EPB41L1: variants seen among roughly 807,000 people sequenced by gnomAD.
The protein encoded by EPB41L1 is band 4.1-like protein 1.
In EPB41L1, 29 loss-of-function variants were observed where a neutral mutation model predicts 97.8. That is an observed-to-expected ratio of 0.30 (90% CI 0.22 to 0.40). The LOEUF (loss-of-function observed/expected upper bound fraction) is 0.40, where lower values mean the gene tolerates loss of function less well. EPB41L1 is among the 10% of genes least tolerant of loss of function. The pLI is 1.00. For synonymous variants in EPB41L1, 383 were observed against 459.2 expected (o/e 0.83, Z 2.12); for missense variants, 812 against 1,162.3 (o/e 0.70, Z 4.38).
At chr20:36,182,458 C>T (rs1010411569) in intron 6 of EPB41L1, 111 bp downstream of exon 6, 11 of 1,196,936 alleles carry the variant, frequency 9.2e-6, no homozygotes, top group Admixed American at 5.4e-5. Flanking sequence ...AATGCAGTCG[C>T]CTACCGAGGT....
At position 36,155,095 on chromosome 20, in the gene EPB41L1, G is replaced by A. The variant is rs1213207309; in HGVS notation, c.-15+199G>A. 3 of 532,250 alleles carry A rather than the reference G, an allele frequency of 5.6e-6. No homozygotes were observed. In the Admixed American group the frequency reaches 7.0e-5, roughly 12 times the overall value. The allele number at this position is 532,250 out of a possible 1,614,324, so 33.0% of individuals were successfully genotyped here. A position where few individuals can be genotyped will look rare whatever the true frequency, so the allele number is the denominator to read the frequency against. ...CAGCCTCCTCCAAGGCCTGGAGAGA[G>A]GATCCGGAGGCTGGGGGTTGGCGGG... On this transcript the variant is annotated intron_variant, in intron 1 of 21. Coordinates refer to ENST00000338074, the MANE Select transcript of EPB41L1 (RefSeq NM_012156.2).
chr20:36,219,700 C>T, intron 18 of EPB41L1, 61 bp from the exon 19 acceptor site: 1 of 1,459,922 alleles, frequency 6.8e-7, no homozygotes. Context: ...CCCGCCCTCA[C>T]CCCTCCAGAG....
chr20:36,219,377 T>C (rs1466252346), intron 18 of EPB41L1, among the ~76,000 whole-genome samples: 1 of 152,170 alleles, frequency 6.6e-6, no homozygotes. Flanking sequence ...GCTCTTGCAT[T>C]CTCCAAGTCT....
upstream of EPB41L1, chr20:36,154,688 C>A (rs2060210330): frequency 2.0e-6 from 2 of 981,512 alleles, no homozygotes; most frequent in South Asian, 4.5e-5. The surrounding 1 kb of genome is among the most constrained non-coding windows in gnomAD (Gnocchi z 5.5). Flanking sequence ...CTGTGGGCAC[C>A]GTGCCCAGCC....
chr20:36,168,269 A>G (rs2060822852), intron 1 of EPB41L1, among the ~76,000 whole-genome samples: 1 of 152,230 alleles, frequency 6.6e-6, no homozygotes, highest in African/African-American at 2.4e-5. Context: ...CCCCAGACAG[A>G]GTAAGTACAG....
chr20:36,124,073 C>G (rs2058859998), intron 2 of EPB41L1, among the ~76,000 whole-genome samples: 1 of 151,868 alleles, frequency 6.6e-6, no homozygotes, highest in South Asian at 2.1e-4. Context: ...ATGGTGAAAC[C>G]CCGTCTCTAC....
chr20:36,111,430 T>C (rs1471011322), intron 1 of EPB41L1, among the ~76,000 whole-genome samples: 3 of 152,076 alleles, frequency 2.0e-5, no homozygotes, highest in Non-Finnish European at 4.4e-5. Context: ...TCAAAGAAGA[T>C]TGAGAAAAGT....
intron 17 of EPB41L1, among the ~76,000 whole-genome samples, chr20:36,215,512 A>G (rs1331679307): frequency 2.0e-5 from 3 of 152,234 alleles, no homozygotes; most frequent in Non-Finnish European, 4.4e-5. Flanking sequence ...TAGACTAGCC[A>G]GCAGGTAGGT....
chr20:36,224,931 C>T (rs918200153), intron 21 of EPB41L1, among the ~76,000 whole-genome samples: 37 of 152,286 alleles, frequency 2.4e-4, no homozygotes, highest in Non-Finnish European at 5.0e-4. Context: ...AAGTGATTCT[C>T]GTGCCTCAGC....
intron 2 of EPB41L1, among the ~76,000 whole-genome samples, chr20:36,131,591 G>A (rs1465610676): frequency 6.6e-6 from 1 of 152,160 alleles, no homozygotes; most frequent in Non-Finnish European, 1.5e-5. Context: ...TTCCTCAGCT[G>A]TAAAGTGAAC....
At chr20:36,202,531 C>A (rs904969595) in intron 14 of EPB41L1, among the ~76,000 whole-genome samples, 3 of 152,054 alleles carry the variant, frequency 2.0e-5, no homozygotes, top group Admixed American at 2.0e-4. Flanking sequence ...TGGTGGCTCA[C>A]GCCTGTAATT....
At chr20:36,100,864 G>A (rs1055353528) in intron 1 of EPB41L1, among the ~76,000 whole-genome samples, 6 of 152,108 alleles carry the variant, frequency 3.9e-5, no homozygotes, top group Admixed American at 6.5e-5. Context: ...CAGCACCTCC[G>A]GGACTGGCCT....
Position 36,092,508 on chromosome 20 carries a change from G to A in EPB41L1, c.-65+896G>A, listed in dbSNP as rs1005325897. ...CTCCGGCGGCTCCGGCGGCTCCGGC[G>A]CTCCCCTGGTGTTGGCTGCTCGCCG... On this transcript the variant is annotated intron_variant, in intron 1 of 19. Coordinates refer to the EPB41L1 transcript ENST00000202028. This position sits in a 1 kb window ranked among gnomAD's most constrained non-coding sequence, Gnocchi z 7.0. 2.0e-5 allele frequency among the ~76,000 whole-genome samples: 3 copies of A among 151,896 alleles called. No individual in the cohort carries two copies. In the South Asian group the frequency reaches 6.2e-4, roughly 31 times the overall value.
At chr20:36,220,748 G>C (rs576525689) in intron 19 of EPB41L1, among the ~76,000 whole-genome samples, 3 of 152,254 alleles carry the variant, frequency 2.0e-5, no homozygotes, top group African/African-American at 7.2e-5. Flanking sequence ...AAGGAGGGAA[G>C]CCTTCCTGGG....
At chr20:36,119,310 G>A (rs1050868857) in intron 2 of EPB41L1, among the ~76,000 whole-genome samples, 3 of 152,194 alleles carry the variant, frequency 2.0e-5, no homozygotes, top group African/African-American at 7.2e-5. Flanking sequence ...CCAAAAGAAA[G>A]GGCAAGGTGT....
chr20:36,109,670 C>T (rs546783056), intron 1 of EPB41L1: 7 of 152,266 alleles, frequency 4.6e-5, no homozygotes, highest in Non-Finnish European at 7.3e-5. Flanking sequence ...GCTTGGTTTT[C>T]AGGTAGCTCC....
chr20:36,173,844 G>A lies in EPB41L1; in HGVS notation c.67G>A (p.Glu23Lys), dbSNP rs1352477424. The change falls in exon 2 of 22, where the codon GAG becomes AAG. Residue 23 changes from glutamate (E) to lysine (K), a missense_variant. Around this residue, in one of 3 missense-constraint regions of EPB41L1, gnomAD observed 84 missense variants for 94.3 expected, o/e 0.89. Coordinates refer to ENST00000338074, the MANE Select transcript of EPB41L1 (RefSeq NM_012156.2). ...TCAGGAGGAGGCCCCGCAGCAGCCC[G>A]AGGCTGCTGCCGCTGTGACCACCCC... The part of the protein sequence containing the change: ...KAQEEAPQQP[E>K]AAAAVTTPVT... The A allele has an allele frequency of 6.2e-6, 10 of 1,612,612 alleles. No individual in the cohort carries two copies. Among genetic ancestry groups the A allele is most frequent in the African/African-American group, 1.3e-5 (1 of 74,904 alleles).
chr20:36,101,437 T>C (rs1201607744), intron 1 of EPB41L1, among the ~76,000 whole-genome samples: 1 of 152,014 alleles, frequency 6.6e-6, no homozygotes, highest in African/African-American at 2.4e-5. Flanking sequence ...GAGACCATTA[T>C]GTTGGTCAGC....
At chr20:36,161,745 G>A (rs928448168) in intron 1 of EPB41L1, among the ~76,000 whole-genome samples, 1 of 150,862 alleles carries the variant, frequency 6.6e-6, no homozygotes, top group African/African-American at 2.4e-5. Flanking sequence ...AAAGTGCTGG[G>A]ATTACAGGCC....
Sources: gnomAD v4.1 joint callset for allele counts (sites outside exome capture counted in the v4.1 genomes callset) on GRCh38, gnomAD v4.1.1 for gene constraint, gnomAD v4.1.1 regional missense constraint, Gnocchi (gnomAD v3.1) non-coding constraint, MANE v1.5 for transcripts, NCBI Gene and HGNC (gene_info 2026-07-23, HGNC 2026-07-21) for gene names.